FBN2: variants seen among roughly 807,000 people sequenced by gnomAD.
FBN2 encodes fibrillin-2.
FBN2 carries 105 observed loss-of-function variants against 355.6 expected under a neutral mutation model. The observed-to-expected ratio is 0.30, with a 90% CI of 0.25 to 0.35. The LOEUF (loss-of-function observed/expected upper bound fraction) is 0.35. FBN2 is among the 10% of genes least tolerant of loss of function. FBN2 has a pLI of 1.00. For missense variants in FBN2, 3,280 were observed against 3,758.7 expected (o/e 0.87, Z 3.33); for synonymous variants, 1,350 against 1,301.2 (o/e 1.04, Z -0.81).
In FBN2 at chr5:128,377,875, T is replaced by C; in HGVS notation, c.1726A>G (p.Ile576Val). Residue 576 changes from isoleucine (I) to valine (V), a missense_variant and splice_region_variant, in exon 13 of 65, where the codon ATT becomes GTT. Coordinates refer to ENST00000262464, the MANE Select transcript of FBN2 (RefSeq NM_001999.4). ...ACCCCATTCTGGATGCACTCATCAATATCTAGGAAGATTGAGAATGGCCAA... is the reference window on the plus strand; with the variant it reads ...ACCCCATTCTGGATGCACTCATCAACATCTAGGAAGATTGAGAATGGCCAA... Reference protein sequence around the residue: ...RTPTKQACIDIDECIQNGVLC... With the variant: ...RTPTKQACIDVDECIQNGVLC... 1 of 1,613,140 alleles carries C rather than the reference T, an allele frequency of 6.2e-7. No homozygotes were observed. Among genetic ancestry groups the C allele is most frequent in the African/African-American group, 1.3e-5 (1 of 75,010 alleles).
Position 128,504,520 on chromosome 5 carries a change from T to C in FBN2, c.628+14753A>G, listed in dbSNP as rs561830389. 2.1e-4 allele frequency among the ~76,000 whole-genome samples: 32 copies of C among 152,290 alleles called. No homozygotes were observed. In the East Asian group the frequency reaches 3.9e-3, roughly 18 times the overall value. On this transcript the variant is annotated intron_variant, in intron 5 of 64. Coordinates refer to ENST00000262464, the MANE Select transcript of FBN2 (RefSeq NM_001999.4). ...TTCAGCATGACCTGGATGTGAGACA[T>C]GGAGTCAAAAGGGATCATTATGGAG...
intron 63 of FBN2, 45 bp from the exon 64 acceptor site, chr5:128,261,952 G>A: frequency 6.5e-7 from 1 of 1,547,638 alleles, no homozygotes; most frequent in Non-Finnish European, 8.9e-7. Context: ...TCACTGACTT[G>A]ACCATAGTTT....
chr5:128,302,945 G>T, intron 46 of FBN2, 28 bp downstream of exon 46: 2 of 1,147,830 alleles, frequency 1.7e-6, no homozygotes, highest in Non-Finnish European at 2.7e-6. Context: ...TGAAATAGAA[G>T]CAATAAAGGA....
intron 28 of FBN2, 21 bp downstream of exon 28, chr5:128,335,967 G>T: frequency 6.2e-7 from 1 of 1,613,288 alleles, no homozygotes. Flanking sequence ...TGAGTTTCAG[G>T]CCTGCTTGGT....
intron 5 of FBN2, 143 bp from the exon 6 acceptor site, chr5:128,465,064 A>T: frequency 1.2e-6 from 1 of 842,110 alleles, no homozygotes; most frequent in South Asian, 1.4e-5. Flanking sequence ...CATGTTAAAA[A>T]TTCATAATTT....
intron 7 of FBN2, among the ~76,000 whole-genome samples, chr5:128,443,538 C>A (rs1426449479): frequency 2.6e-5 from 4 of 152,136 alleles, no homozygotes; most frequent in Non-Finnish European, 5.9e-5. Flanking sequence ...CAAAAAAATA[C>A]ACACAGAAAA....
At chr5:128,534,718 G>A (rs1374896239) in intron 2 of FBN2, among the ~76,000 whole-genome samples, 5 of 152,070 alleles carry the variant, frequency 3.3e-5, no homozygotes, top group Non-Finnish European at 7.4e-5. Context: ...GTGATCAGTG[G>A]GGCCATACAT....
intron 34 of FBN2, among the ~76,000 whole-genome samples, chr5:128,326,401 T>C (rs574970572): frequency 6.6e-6 from 1 of 152,288 alleles, no homozygotes; most frequent in African/African-American, 2.4e-5. Flanking sequence ...TGTAGGTCTG[T>C]TCCATTTAAT....
intron 20 of FBN2, 149 bp downstream of exon 20, chr5:128,357,127 T>A: frequency 1.1e-6 from 1 of 948,300 alleles, no homozygotes; most frequent in Non-Finnish European, 1.6e-6. Flanking sequence ...ATGTTTTACC[T>A]CTATATTGAT....
At chr5:128,302,221 T>C (rs913869595) in intron 46 of FBN2, among the ~76,000 whole-genome samples, 3 of 152,176 alleles carry the variant, frequency 2.0e-5, no homozygotes, top group African/African-American at 7.2e-5. Context: ...CCCACAATGG[T>C]AGAAAACCTA....
At chr5:128,321,229 C>T (rs933475418) in intron 34 of FBN2, among the ~76,000 whole-genome samples, 1 of 152,038 alleles carries the variant, frequency 6.6e-6, no homozygotes, top group African/African-American at 2.4e-5. Flanking sequence ...TTCACATTTC[C>T]TCAGAATTCT....
At chr5:128,266,757 C>T in intron 62 of FBN2, among the ~76,000 whole-genome samples, 1 of 151,818 alleles carries the variant, frequency 6.6e-6, no homozygotes, top group Non-Finnish European at 1.5e-5. Context: ...CCAACAAGTC[C>T]ATGGTATTTA....
chr5:128,347,724 C>A (rs952123713), intron 23 of FBN2, among the ~76,000 whole-genome samples: 1 of 152,086 alleles, frequency 6.6e-6, no homozygotes. Context: ...GTGACAAAAG[C>A]ATTTAAGCAA....
chr5:128,468,773 A>G (rs1202065942), intron 5 of FBN2, among the ~76,000 whole-genome samples: 5 of 152,226 alleles, frequency 3.3e-5, no homozygotes, highest in Non-Finnish European at 7.3e-5. Flanking sequence ...GTTGAGCATT[A>G]TTGTTTATAG....
intron 7 of FBN2, among the ~76,000 whole-genome samples, chr5:128,433,640 A>C (rs1753685046): frequency 6.6e-6 from 1 of 152,240 alleles, no homozygotes; most frequent in Non-Finnish European, 1.5e-5. Flanking sequence ...AGCATCAGCT[A>C]TATGGCTAGT....
intron 5 of FBN2, among the ~76,000 whole-genome samples, chr5:128,514,654 A>G (rs1306427431): frequency 6.6e-6 from 1 of 152,112 alleles, no homozygotes; most frequent in East Asian, 1.9e-4. Flanking sequence ...TGAAGTAAAC[A>G]CCCCAAAGCA....
At chr5:128,490,229 A>T (rs1755464118) in intron 5 of FBN2, among the ~76,000 whole-genome samples, 1 of 152,196 alleles carries the variant, frequency 6.6e-6, no homozygotes, top group Admixed American at 6.5e-5. Context: ...AGCCATACCC[A>T]GATCAAGTAT....
intron 20 of FBN2, among the ~76,000 whole-genome samples, chr5:128,351,375 C>T (rs960675014): frequency 6.6e-5 from 10 of 151,930 alleles, no homozygotes; most frequent in Middle Eastern, 3.2e-3. Flanking sequence ...GGTGAAACCC[C>T]GTCTCTACTA....
intron 43 of FBN2, 40 bp from the exon 44 acceptor site, chr5:128,305,676 G>A: frequency 6.2e-7 from 1 of 1,610,440 alleles, no homozygotes. Context: ...GTCCTTTTTA[G>A]TATTGTATTA....
Sources: gnomAD v4.1 joint callset for allele counts (sites outside exome capture counted in the v4.1 genomes callset) on GRCh38, gnomAD v4.1.1 for gene constraint, MANE v1.5 for transcripts, NCBI Gene and HGNC (gene_info 2026-07-23, HGNC 2026-07-21) for gene names.